The following PRR36 variants were observed in gnomAD, a reference collection of about 807,000 sequenced individuals.
PRR36 encodes the protein proline rich 36.
In PRR36, 30 loss-of-function variants were observed where a neutral mutation model predicts 58.6. The ratio of observed to expected loss-of-function variants is 0.51; its 90% CI spans 0.38 to 0.69. The LOEUF (loss-of-function observed/expected upper bound fraction) is 0.69. Ranked by LOEUF, PRR36 falls within the 30% of genes least tolerant of loss-of-function variation. The pLI, the probability that PRR36 is intolerant of heterozygous loss-of-function variation, is 0.00. For missense variants in PRR36, 1,692 were observed against 1,805.6 expected, an observed-to-expected ratio of 0.94 and a Z score of 1.14; for synonymous variants, 771 against 829.3, an observed-to-expected ratio of 0.93 and a Z score of 1.21.
rs1980412321 is a variant in PRR36 at position 7,871,047 on chromosome 19, G to T, written c.2197C>A (p.Pro733Thr). The change falls in exon 5 of 6, where the codon CCT becomes ACT. Residue 733 changes from proline to threonine, a missense_variant. This residue lies in a region of PRR36 where 38 missense variants were observed against 100.7 expected (regional missense o/e 0.38). Coordinates refer to ENST00000618550, the MANE Select transcript of PRR36 (RefSeq NM_001190467.2). ...QTPPASLTTPPLENLPSLAPP... is the reference protein window; with the variant it reads ...QTPPASLTTPTLENLPSLAPP... ...GCTAGAGAAGGTAGGTTCTCCAGAG[G>T]GGGTGTGGTCAGGGAAGCAGGAGGT... 6.7e-7 allele frequency: 1 copy of T among 1,491,150 alleles called. No homozygotes were observed. The highest frequency in any genetic ancestry group is 2.3e-5 in the Admixed American group (1 of 43,144). 92.4% of individuals were successfully genotyped at this position (1,491,150 alleles called of 1,614,324 possible).
At position 7,871,499 on chromosome 19, in the gene PRR36, A is replaced by C. The variant is rs1159461674; in HGVS notation, c.1745T>G (p.Leu582Arg). 6.5e-7 allele frequency: 1 copy of C among 1,534,378 alleles called. No homozygotes were observed. The highest frequency in any genetic ancestry group is 8.7e-7 in the Non-Finnish European group (1 of 1,146,466). Residue 582 changes from leucine (L) to arginine (R), a missense_variant, in exon 5 of 6, where the codon CTC becomes CGC. By Grantham distance (102) the Leu-to-Arg change is moderately radical. This residue lies in a region of PRR36 where 975 missense variants were observed against 955.2 expected (regional missense o/e 1.02). Transcript: ENST00000618550. ...GACCTGTATTGGGGGAATGGTCTGG[A>C]GAGAGGGCGGGGCCTGCATAGGGGG... ...TTPPMQAPPS[L>R]QTIPPIQVPH...
chr19:7,873,756 C>T lies in PRR36; in HGVS notation c.-7-60G>A, dbSNP rs1213102320. ...GGACAGCTACGCCGCCTCCAGAGAC[C>T]TGGACCCTGCTACCTCACTGCCCTT... On this transcript the variant is annotated intron_variant, in intron 1 of 5. Coordinates refer to ENST00000618550, the MANE Select transcript of PRR36 (RefSeq NM_001190467.2). This position sits in a 1 kb window ranked among gnomAD's most constrained non-coding sequence, Gnocchi z 5.0. The T allele has an allele frequency of 4.0e-5, 59 of 1,461,778 alleles. No homozygotes were observed. The highest frequency in any genetic ancestry group is 2.2e-4 in the Middle Eastern group (1 of 4,494). 90.6% of individuals were successfully genotyped at this position (1,461,778 alleles called of 1,614,324 possible). A position where few individuals can be genotyped will look rare whatever the true frequency, so the allele number is the denominator to read the frequency against.
Position 7,869,382 on chromosome 19 carries a change from C to G in PRR36, c.3692G>C (p.Gly1231Ala). Residue 1231 changes from glycine (G) to alanine (A), a missense_variant, in exon 6 of 6, where the codon GGG becomes GCG. Physicochemically the swap from Gly to Ala is moderately conservative, Grantham distance 60 (BLOSUM62 0). This residue lies in a region of PRR36 where 485 missense variants were observed against 549.2 expected (regional missense o/e 0.88). Transcript: ENST00000618550. ...CGGGCTCCGCGAGGACGCCCCGGCCCCGGCCCCAGCCGCCGCCTTCCCACC... is the reference window on the plus strand; with the variant it reads ...CGGGCTCCGCGAGGACGCCCCGGCCGCGGCCCCAGCCGCCGCCTTCCCACC... Reference protein sequence around the residue: ...TSGGKAAAGAGAGASSRSPKQ... With the variant: ...TSGGKAAAGAAAGASSRSPKQ... 2.0e-6 allele frequency: 3 copies of G among 1,464,440 alleles called. No individual in the cohort carries two copies. Among genetic ancestry groups the G allele is most frequent in the Non-Finnish European group, 2.7e-6 (3 of 1,117,572 alleles). 90.7% of individuals were successfully genotyped at this position (1,464,440 alleles called of 1,614,324 possible).
rs750054868 is a variant in PRR36 at position 7,869,028 on chromosome 19, C to A, written c.*5G>T. ...GGGGTGTAGCAGGCGGGGCTGTGGTCTGGCTCAGTGGAAGGTCTCCACCTC... is the reference window on the plus strand; with the variant it reads ...GGGGTGTAGCAGGCGGGGCTGTGGTATGGCTCAGTGGAAGGTCTCCACCTC... On this transcript the variant is annotated 3_prime_UTR_variant, in exon 6 of 6. Coordinates refer to ENST00000618550, the MANE Select transcript of PRR36 (RefSeq NM_001190467.2). 4.0e-6 allele frequency: 6 copies of A among 1,510,322 alleles called. No individual in the cohort carries two copies. The South Asian group carries it at 6.2e-5, about 16-fold the overall frequency. 93.6% of individuals were successfully genotyped at this position (1,510,322 alleles called of 1,614,324 possible). A position where few individuals can be genotyped will look rare whatever the true frequency, so the allele number is the denominator to read the frequency against.
rs1019714700 is a variant in PRR36 at position 7,868,922 on chromosome 19, C to T, written c.*111G>A. On this transcript the variant is annotated 3_prime_UTR_variant, in exon 6 of 6. Coordinates refer to ENST00000618550, the MANE Select transcript of PRR36 (RefSeq NM_001190467.2). ...AGGCTCTAGGGAGCTAAGACTAATC[C>T]ACCCAGCGGGGCTCCAGGGCAGTGG... The T allele has an allele frequency of 2.4e-6, 3 of 1,256,408 alleles. No homozygotes were observed. The highest frequency in any genetic ancestry group is 3.2e-6 in the Non-Finnish European group (3 of 943,824). The allele number at this position is 1,256,408 out of a possible 1,614,324, so 77.8% of individuals were successfully genotyped here. A position where few individuals can be genotyped will look rare whatever the true frequency, so the allele number is the denominator to read the frequency against.
At position 7,872,546 on chromosome 19, in the gene PRR36, C is replaced by A; in HGVS notation, c.698G>T (p.Gly233Val). 3 of 1,520,964 alleles carry A rather than the reference C, an allele frequency of 2.0e-6. No homozygotes were observed. The highest frequency in any genetic ancestry group is 2.6e-6 in the Non-Finnish European group (3 of 1,140,620). The allele number at this position is 1,520,964 out of a possible 1,614,324, so 94.2% of individuals were successfully genotyped here. ...GGAGCGCGAGGCCGGCCTCTGGAGA[C>A]CCCCACCGGCGCTGGGCCGCCTCCT... is the stretch of plus-strand genomic sequence containing the variant. ...AARRRPSAGGGLQRPASRSLS... is the reference protein window; with the variant it reads ...AARRRPSAGGVLQRPASRSLS... The change falls in exon 5 of 6, where the codon GGT (glycine) becomes GTT (valine). Residue 233 changes from glycine (G) to valine (V), a missense_variant. By Grantham distance (109) the Gly-to-Val change is moderately radical. Coordinates refer to ENST00000618550, the MANE Select transcript of PRR36 (RefSeq NM_001190467.2). This position sits in a 1 kb window ranked among gnomAD's most constrained non-coding sequence, Gnocchi z 6.1.
chr19:7,872,508 C>A lies in PRR36; in HGVS notation c.736G>T (p.Ala246Ser), dbSNP rs1980511895. Reference protein sequence around the residue: ...RPASRSLSSSATPLSSPARSG... With the variant: ...RPASRSLSSSSTPLSSPARSG... ...CGGGCTGGGGAGGAGAGAGGGGTGG[C>A]GCTGGAGCTCAGGGAGCGCGAGGCC... The change falls in exon 5 of 6, where the codon GCC becomes TCC. Residue 246 changes from alanine to serine, a missense_variant. Physicochemically the swap from Ala to Ser is moderately conservative, Grantham distance 99. Around this residue, in one of 5 missense-constraint regions of PRR36, gnomAD observed 975 missense variants for 955.2 expected, o/e 1.02. Transcript: ENST00000618550. The surrounding 1 kb of genome is among the most constrained non-coding windows in gnomAD (Gnocchi z 6.1). 1 of 1,496,852 alleles carries A rather than the reference C, an allele frequency of 6.7e-7. No homozygotes were observed. Among genetic ancestry groups the A allele is most frequent in the Non-Finnish European group, 8.8e-7 (1 of 1,130,652 alleles). The allele number at this position is 1,496,852 out of a possible 1,614,324, so 92.7% of individuals were successfully genotyped here. A position where few individuals can be genotyped will look rare whatever the true frequency, so the allele number is the denominator to read the frequency against.
rs539712965 is a variant in PRR36 at position 7,871,367 on chromosome 19, T to A, written c.1877A>T (p.His626Leu). Reference sequence around the variant, plus strand: ...CCTAGGGGACATTGTCAGGAAAGAATGTGTGGCCTGCAGAGTGGGTGAGCC... The same window carrying A: ...CCTAGGGGACATTGTCAGGAAAGAAAGTGTGGCCTGCAGAGTGGGTGAGCC... ...SLGSPTLQAT[H>L]SFLTMSPRQT... The change falls in exon 5 of 6, where the codon CAT becomes CTT. Residue 626 changes from histidine (H) to leucine (L), a missense_variant. His to Leu is a moderately conservative substitution (Grantham distance 99). This residue lies in a region of PRR36 where 975 missense variants were observed against 955.2 expected (regional missense o/e 1.02). Transcript: ENST00000618550. 3.3e-6 allele frequency: 5 copies of A among 1,532,778 alleles called. No individual in the cohort carries two copies. The African/African-American group carries it at 7.0e-5, about 21-fold the overall frequency. 94.9% of individuals were successfully genotyped at this position (1,532,778 alleles called of 1,614,324 possible).
Position 7,870,968 on chromosome 19 carries a change from TTCTCCA to T in PRR36, c.2270_2275del (p.Leu757_Asn759delinsHis). ...AGGAGGCGGGGCTAGAGAAGGTAGGTTCTCCAGAGGGGGTGTGGTCAGGGGAGCAGA... is the reference window on the plus strand; with the variant it reads ...AGGAGGCGGGGCTAGAGAAGGTAGGTGAGGGGGTGTGGTCAGGGGAGCAGA... On this transcript the variant is annotated inframe_deletion, in exon 5 of 6. Transcript: ENST00000618550. 3.1e-5 allele frequency: 20 copies of T among 647,592 alleles called. No homozygotes were observed. Among genetic ancestry groups the T allele is most frequent in the South Asian group, 2.2e-4 (3 of 13,800 alleles). 40.1% of individuals were successfully genotyped at this position (647,592 alleles called of 1,614,324 possible).
Position 7,871,503 on chromosome 19 carries a change from A to G in PRR36, c.1741T>C (p.Ser581Pro). Residue 581 changes from serine to proline, a missense_variant, in exon 5 of 6, where the codon TCT (serine) becomes CCT (proline). Ser to Pro is a moderately conservative substitution (Grantham distance 74). Coordinates refer to ENST00000618550, the MANE Select transcript of PRR36 (RefSeq NM_001190467.2). ...TGTATTGGGGGAATGGTCTGGAGAG[A>G]GGGCGGGGCCTGCATAGGGGGCGTA... ...MTTPPMQAPPSLQTIPPIQVP... is the reference protein window; with the variant it reads ...MTTPPMQAPPPLQTIPPIQVP... 6.5e-7 allele frequency: 1 copy of G among 1,530,388 alleles called. No individual in the cohort carries two copies. Among genetic ancestry groups the G allele is most frequent in the Non-Finnish European group, 8.7e-7 (1 of 1,145,470 alleles). The allele number at this position is 1,530,388 out of a possible 1,614,324, so 94.8% of individuals were successfully genotyped here. A position where few individuals can be genotyped will look rare whatever the true frequency, so the allele number is the denominator to read the frequency against.
chr19:7,868,807 G>C lies in PRR36; in HGVS notation c.*226C>G. 2.0e-6 allele frequency: 1 copy of C among 492,600 alleles called. No individual in the cohort carries two copies. The highest frequency in any genetic ancestry group is 3.4e-5 in the South Asian group (1 of 29,412). The allele number at this position is 492,600 out of a possible 1,614,324, so 30.5% of individuals were successfully genotyped here. On this transcript the variant is annotated 3_prime_UTR_variant, in exon 6 of 6. Coordinates refer to ENST00000618550, the MANE Select transcript of PRR36 (RefSeq NM_001190467.2). Reference sequence around the variant, plus strand: ...ACACGGGGCGGGACTCGGGGAAACGGGGCGTGTCCTAGGCCAAAGGGGCGG... The same window carrying C: ...ACACGGGGCGGGACTCGGGGAAACGCGGCGTGTCCTAGGCCAAAGGGGCGG...
Position 7,871,920 on chromosome 19 carries a change from C to T in PRR36, c.1324G>A (p.Ala442Thr). The T allele has an allele frequency of 1.3e-6, 2 of 1,535,676 alleles. No individual in the cohort carries two copies. The highest frequency in any genetic ancestry group is 1.7e-6 in the Non-Finnish European group (2 of 1,146,802). The stretch of plus-strand genomic sequence containing the variant: ...AGGAGAGTCGGAAGAGAGGGCAACG[C>T]TGGATTAGCTTGGGTGGGGGGCATA... ...QSMPPTQANP[A>T]LPSLPTLLSP... Residue 442 changes from alanine (A) to threonine (T), a missense_variant, in exon 5 of 6, where the codon GCG (alanine) becomes ACG (threonine). Coordinates refer to ENST00000618550, the MANE Select transcript of PRR36 (RefSeq NM_001190467.2).
rs937255286 is a variant in PRR36 at position 7,869,018 on chromosome 19, G to C, written c.*15C>G. 4.7e-6 allele frequency: 7 copies of C among 1,498,616 alleles called. No individual in the cohort carries two copies. The African/African-American group carries it at 9.9e-5, about 21-fold the overall frequency. 92.8% of individuals were successfully genotyped at this position (1,498,616 alleles called of 1,614,324 possible). A position where few individuals can be genotyped will look rare whatever the true frequency, so the allele number is the denominator to read the frequency against. On this transcript the variant is annotated 3_prime_UTR_variant, in exon 6 of 6. Transcript: ENST00000618550. Reference sequence around the variant, plus strand: ...AGGCAGGGGTGGGGTGTAGCAGGCGGGGCTGTGGTCTGGCTCAGTGGAAGG... The same window carrying C: ...AGGCAGGGGTGGGGTGTAGCAGGCGCGGCTGTGGTCTGGCTCAGTGGAAGG...
In PRR36 at chr19:7,869,221, C is replaced by T. The variant is rs1568250463; in HGVS notation, c.3853G>A (p.Glu1285Lys). Reference sequence around the variant, plus strand: ...GCGCCCCCTGTGACGCCACCACCCTCCGCACCTCCTGGGCCCCCGCCGCTG... The same window carrying T: ...GCGCCCCCTGTGACGCCACCACCCTTCGCACCTCCTGGGCCCCCGCCGCTG... ...GGSGGGPGGA[E>K]GGGVTGGARA... Residue 1285 changes from glutamate to lysine, a missense_variant, in exon 6 of 6, where the codon GAG becomes AAG. Glu to Lys is a moderately conservative substitution (Grantham distance 56, BLOSUM62 1). This residue lies in a region of PRR36 where 485 missense variants were observed against 549.2 expected (regional missense o/e 0.88). Coordinates refer to ENST00000618550, the MANE Select transcript of PRR36 (RefSeq NM_001190467.2). The T allele has an allele frequency of 2.0e-6, 3 of 1,523,682 alleles. No individual in the cohort carries two copies. Among genetic ancestry groups the T allele is most frequent in the South Asian group, 1.2e-5 (1 of 82,716 alleles). The allele number at this position is 1,523,682 out of a possible 1,614,324, so 94.4% of individuals were successfully genotyped here. A position where few individuals can be genotyped will look rare whatever the true frequency, so the allele number is the denominator to read the frequency against.
rs1037717799 is a variant in PRR36 at position 7,872,123 on chromosome 19, G to A, written c.1121C>T (p.Pro374Leu). The A allele has an allele frequency of 2.0e-6, 3 of 1,520,758 alleles. No homozygotes were observed. Among genetic ancestry groups the A allele is most frequent in the Non-Finnish European group, 2.6e-6 (3 of 1,138,630 alleles). 94.2% of individuals were successfully genotyped at this position (1,520,758 alleles called of 1,614,324 possible). Reference sequence around the variant, plus strand: ...AGAAGGTGGAGCAGAGGGAGAAGGAGGGGCTAGAGGAAGGGGCGTGGCCAA... The same window carrying A: ...AGAAGGTGGAGCAGAGGGAGAAGGAAGGGCTAGAGGAAGGGGCGTGGCCAA... The part of the protein sequence containing the change: ...CQLATPLPLA[P>L]PSPSAPPSLQ... The change falls in exon 5 of 6, where the codon CCT (proline) becomes CTT (leucine). Residue 374 changes from proline (P) to leucine (L), a missense_variant. Transcript: ENST00000618550. The surrounding 1 kb of genome is among the most constrained non-coding windows in gnomAD (Gnocchi z 6.1).
rs1980566098 is a variant in PRR36, at chr19:7,873,530, C to T, written c.160G>A (p.Gly54Arg). 6.5e-7 allele frequency: 1 copy of T among 1,535,196 alleles called. No homozygotes were observed. Among genetic ancestry groups the T allele is most frequent in the Admixed American group, 2.0e-5 (1 of 50,962 alleles). Residue 54 changes from glycine to arginine, a missense_variant, in exon 2 of 6, where the codon GGG becomes AGG. Physicochemically the swap from Gly to Arg is moderately radical, Grantham distance 125 (BLOSUM62 -2). Coordinates refer to ENST00000618550, the MANE Select transcript of PRR36 (RefSeq NM_001190467.2). The surrounding 1 kb of genome is among the most constrained non-coding windows in gnomAD (Gnocchi z 5.0). ...LRVLGAAGAV[G>R]RKPLAERAGG... ...GCTCGCTCTGCCAGAGGCTTTCGCC[C>T]CACTGCTCCCGCAGCTCCCAGAACT...
In PRR36 at chr19:7,869,954, G is replaced by A; in HGVS notation, c.3290C>T (p.Ala1097Val). 7.3e-7 allele frequency: 1 copy of A among 1,376,446 alleles called. No individual in the cohort carries two copies. Among genetic ancestry groups the A allele is most frequent in the Non-Finnish European group, 9.3e-7 (1 of 1,072,362 alleles). 85.3% of individuals were successfully genotyped at this position (1,376,446 alleles called of 1,614,324 possible). The change falls in exon 5 of 6, where the codon GCG becomes GTG. Residue 1097 changes from alanine (A) to valine (V), a missense_variant. Ala to Val is a moderately conservative substitution (Grantham distance 64). This residue lies in a region of PRR36 where 485 missense variants were observed against 549.2 expected (regional missense o/e 0.88). Coordinates refer to ENST00000618550, the MANE Select transcript of PRR36 (RefSeq NM_001190467.2). ...CGGCGGCGGCGGGCCGGGGGCCAAC[G>A]CCAGGGTCAGCCGTGGGCCCGAGAC... is the stretch of plus-strand genomic sequence containing the variant. ...TSVSGPRLTL[A>V]LAPGPPPPPS...
Position 7,869,980 on chromosome 19 carries a change from G to A in PRR36, c.3264C>T (p.Ser1088=), listed in dbSNP as rs1980302283. The A allele has an allele frequency of 5.7e-6, 8 of 1,396,060 alleles. No homozygotes were observed. The highest frequency in any genetic ancestry group is 7.4e-6 in the Non-Finnish European group (8 of 1,082,402). 86.5% of individuals were successfully genotyped at this position (1,396,060 alleles called of 1,614,324 possible). A position where few individuals can be genotyped will look rare whatever the true frequency, so the allele number is the denominator to read the frequency against. ...RRPPTPGPDT[S]VSGPRLTLAL... is the part of the protein sequence containing the mutation. ...CCAGGGTCAGCCGTGGGCCCGAGACGGAGGTATCCGGACCCGGGGTCGGGG... is the reference window on the plus strand; with the variant it reads ...CCAGGGTCAGCCGTGGGCCCGAGACAGAGGTATCCGGACCCGGGGTCGGGG... Residue 1088 remains serine, a synonymous_variant, in exon 5 of 6, where the codon TCC becomes TCT. Coordinates refer to ENST00000618550, the MANE Select transcript of PRR36 (RefSeq NM_001190467.2).
Position 7,872,067 on chromosome 19 carries a change from G to A in PRR36, c.1177C>T (p.Pro393Ser). Reference sequence around the variant, plus strand: ...TGTGTGGGTGGAACTTGCGAGGGGGGCGTGGCTGGTGGAGAGGGGAGGGTC... The same window carrying A: ...TGTGTGGGTGGAACTTGCGAGGGGGACGTGGCTGGTGGAGAGGGGAGGGTC... Reference protein sequence around the residue: ...LQTLPSPPATPPSQVPPTQLI... With the variant: ...LQTLPSPPATSPSQVPPTQLI... Residue 393 changes from proline to serine, a missense_variant, in exon 5 of 6, where the codon CCC becomes TCC. By Grantham distance (74) the Pro-to-Ser change is moderately conservative (BLOSUM62 -1). Coordinates refer to ENST00000618550, the MANE Select transcript of PRR36 (RefSeq NM_001190467.2). This position sits in a 1 kb window ranked among gnomAD's most constrained non-coding sequence, Gnocchi z 6.1. 6.5e-7 allele frequency: 1 copy of A among 1,535,704 alleles called. No homozygotes were observed. The highest frequency in any genetic ancestry group is 8.7e-7 in the Non-Finnish European group (1 of 1,146,766).
Sources: allele counts gnomAD v4.1 joint callset, GRCh38; gene constraint gnomAD v4.1.1; regional missense constraint gnomAD v4.1.1; non-coding constraint Gnocchi (gnomAD v3.1); transcripts MANE v1.5; gene names NCBI Gene and HGNC (gene_info 2026-07-23, HGNC 2026-07-21).